FGD5: variants seen among roughly 807,000 people sequenced by gnomAD.
The protein encoded by FGD5 is FYVE, RhoGEF and PH domain containing 5.
FGD5 carries 28 observed loss-of-function variants against 133.4 expected under a neutral mutation model. That is an observed-to-expected ratio of 0.21 (90% CI 0.16 to 0.29). The LOEUF is 0.29. Ranked by LOEUF, FGD5 falls within the 10% of genes least tolerant of loss-of-function variation. FGD5 has a pLI of 1.00. For synonymous variants in FGD5, 810 were observed against 776.5 expected, an observed-to-expected ratio of 1.04 and a Z score of -0.72; for missense variants, 1,858 against 1,895.2, an observed-to-expected ratio of 0.98 and a Z score of 0.36.
In FGD5 at chr3:14,934,110, G is replaced by A. The variant is rs2038943222; in HGVS notation, c.*943G>A. On this transcript the variant is annotated 3_prime_UTR_variant, in exon 20 of 20. Transcript: ENST00000285046. Reference sequence around the variant, plus strand: ...TCTTTTAGACACACGGTAATCCTTGGGCTGTATTACTGAAGGCTTTTTATT... The same window carrying A: ...TCTTTTAGACACACGGTAATCCTTGAGCTGTATTACTGAAGGCTTTTTATT... The A allele has an allele frequency of 6.6e-6, 1 of 152,132 alleles. No individual in the cohort carries two copies. The highest frequency in any genetic ancestry group is 1.5e-5 in the Non-Finnish European group (1 of 68,030). The allele number at this position is 152,132 out of a possible 1,614,324, so 9.4% of individuals were successfully genotyped here. A position where few individuals can be genotyped will look rare whatever the true frequency, so the allele number is the denominator to read the frequency against.
intron 17 of FGD5, among the ~76,000 whole-genome samples, chr3:14,925,049 C>T (rs2038770137): frequency 7.6e-6 from 1 of 130,988 alleles, no homozygotes; most frequent in South Asian, 2.5e-4. Flanking sequence ...TTGCAGTGAG[C>T]TGAGATGGCG....
intron 1 of FGD5, among the ~76,000 whole-genome samples, chr3:14,862,168 G>C (rs1392095303): frequency 6.6e-6 from 1 of 152,152 alleles, no homozygotes; most frequent in Admixed American, 6.5e-5. Flanking sequence ...TTTTGGATGT[G>C]GAGGAGGAGT....
chr3:14,932,716 C>A lies in FGD5; in HGVS notation c.4337C>A (p.Thr1446Asn). The A allele has an allele frequency of 6.2e-7, 1 of 1,613,652 alleles. No individual in the cohort carries two copies. Among genetic ancestry groups the A allele is most frequent in the Non-Finnish European group, 8.5e-7 (1 of 1,179,810 alleles). The change falls in exon 19 of 20, where the codon ACC becomes AAC. Residue 1446 changes from threonine (T) to asparagine (N), a missense_variant. By Grantham distance (65) the Thr-to-Asn change is moderately conservative. Transcript: ENST00000285046. ...TTTTATAGCTTCAAAGCAGAAGATA[C>A]CAATTCAGCTCAGAGGTACGAAAAG... ...TLFYSFKAEDTNSAQRWIEAM... is the reference protein window; with the variant it reads ...TLFYSFKAEDNNSAQRWIEAM...
At chr3:14,848,581 T>G (rs994647804) in intron 1 of FGD5, among the ~76,000 whole-genome samples, 5 of 152,132 alleles carry the variant, frequency 3.3e-5, no homozygotes, top group African/African-American at 7.2e-5. Context: ...AAAGCTTCCT[T>G]AAGAAGTGTG....
chr3:14,926,637 C>G (rs760479193), intron 18 of FGD5, among the ~76,000 whole-genome samples: 2 of 152,216 alleles, frequency 1.3e-5, no homozygotes, highest in African/African-American at 2.4e-5. Context: ...AGTAATTCTT[C>G]TAAAGAAAAC....
At chr3:14,908,992 T>C (rs79701386) in intron 10 of FGD5, among the ~76,000 whole-genome samples, 7,321 of 152,056 alleles carry the variant, frequency 0.048, 283 homozygotes, top group East Asian at 0.2. Context: ...ATTCATTCTT[T>C]TGAGCTGGAG....
chr3:14,911,388 C>G (rs2038445534), intron 11 of FGD5, among the ~76,000 whole-genome samples: 1 of 152,154 alleles, frequency 6.6e-6, no homozygotes, highest in African/African-American at 2.4e-5. Flanking sequence ...CAGGGAGTGT[C>G]CAGGCCTAGG....
chr3:14,907,540 A>G, intron 9 of FGD5, 100 bp from the exon 10 acceptor site: 2 of 1,141,702 alleles, frequency 1.8e-6, no homozygotes, highest in Non-Finnish European at 2.5e-6. Flanking sequence ...TCCGGGCTTC[A>G]TTTTTGTCTG....
upstream of FGD5, chr3:14,818,888 G>T: frequency 7.1e-7 from 1 of 1,413,844 alleles, no homozygotes. Flanking sequence ...CAACTGGTGT[G>T]TAGGAGACTC....
At position 14,821,601 on chromosome 3, in the gene FGD5, CT is replaced by C; in HGVS notation, c.2525+6del. On this transcript the variant is annotated splice_donor_region_variant and intron_variant, in intron 1 of 19. Transcript: ENST00000285046. The stretch of plus-strand genomic sequence containing the variant: ...TGCAGACCAGGACGCAGAAAGGTAC[CT>C]GACATTCTATTTCCTTTCTTGTTCG... 6.4e-7 allele frequency: 1 copy of C among 1,573,592 alleles called. No homozygotes were observed. Among genetic ancestry groups the C allele is most frequent in the Non-Finnish European group, 8.6e-7 (1 of 1,157,394 alleles).
At chr3:14,833,335 C>T (rs533962153) in intron 1 of FGD5, among the ~76,000 whole-genome samples, 1 of 152,308 alleles carries the variant, frequency 6.6e-6, no homozygotes, top group Non-Finnish European at 1.5e-5. Flanking sequence ...CCCAAAATCT[C>T]CAGGTCAAGG....
At chr3:14,919,114 C>T (rs369502788) in intron 13 of FGD5, among the ~76,000 whole-genome samples, 1 of 152,110 alleles carries the variant, frequency 6.6e-6, no homozygotes, top group Admixed American at 6.5e-5. Flanking sequence ...AGCAATGTCT[C>T]ATGTTTGTGG....
intron 11 of FGD5, among the ~76,000 whole-genome samples, chr3:14,912,790 A>T (rs1274857254): frequency 6.6e-6 from 1 of 152,122 alleles, no homozygotes; most frequent in East Asian, 1.9e-4. Flanking sequence ...TAATTGCAGC[A>T]CTTTGGGAGG....
intron 11 of FGD5, among the ~76,000 whole-genome samples, chr3:14,911,586 C>T (rs2125144894): frequency 6.6e-6 from 1 of 152,072 alleles, no homozygotes; most frequent in Non-Finnish European, 1.5e-5. Flanking sequence ...GCACCGTGTG[C>T]AGTGGGAGAG....
intron 4 of FGD5, among the ~76,000 whole-genome samples, chr3:14,888,576 T>G (rs1437839899): frequency 2.0e-5 from 3 of 152,256 alleles, no homozygotes; most frequent in Non-Finnish European, 4.4e-5. Context: ...ATGTAAAATA[T>G]GCATTCTTTT....
chr3:14,912,481 T>A (rs1361692219), intron 11 of FGD5, among the ~76,000 whole-genome samples: 1 of 152,214 alleles, frequency 6.6e-6, no homozygotes, highest in African/African-American at 2.4e-5. Flanking sequence ...GGTTTAGATT[T>A]GGGTTCTCAG....
intron 13 of FGD5, among the ~76,000 whole-genome samples, chr3:14,919,247 G>GA (rs1396069056): frequency 4.6e-5 from 7 of 152,032 alleles, no homozygotes; most frequent in Admixed American, 2.0e-4. Context: ...GAAGATGAGA[G>GA]AAAAAAAATA....
At chr3:14,815,586 T>G (rs731578), upstream of FGD5, among the ~76,000 whole-genome samples, 6,199 of 152,254 alleles carry the variant, frequency 0.041, 409 homozygotes, top group African/African-American at 0.14. Flanking sequence ...TAAGAGAAAT[T>G]GAATGGGAGC....
intron 4 of FGD5, among the ~76,000 whole-genome samples, chr3:14,884,548 T>G (rs561231877): frequency 5.0e-4 from 76 of 152,336 alleles, no homozygotes; most frequent in African/African-American, 1.8e-3. Context: ...CCCATTCAGG[T>G]CTCAGCTCAA....
Sources: allele counts gnomAD v4.1 joint callset (sites outside exome capture counted in the v4.1 genomes callset), GRCh38; gene constraint gnomAD v4.1.1; transcripts MANE v1.5; gene names NCBI Gene and HGNC (gene_info 2026-07-23, HGNC 2026-07-21).